Variants in IL1RAPL2 observed in about 807,000 individuals in gnomAD.
IL1RAPL2 encodes interleukin 1 receptor accessory protein like 2, also known as X-linked interleukin-1 receptor accessory protein-like 2.
IL1RAPL2 carries 3 observed loss-of-function variants against 44.1 expected under a neutral mutation model. The observed-to-expected ratio is 0.07, with a 90% CI of 0.03 to 0.18. The LOEUF (loss-of-function observed/expected upper bound fraction) is 0.18, where lower values mean the gene tolerates loss of function less well. Ranked by LOEUF, IL1RAPL2 falls within the 10% of genes least tolerant of loss-of-function variation. The probability of loss-of-function intolerance (pLI) is 1.00; values close to 1 mark genes in which losing one functional copy is unlikely to be tolerated. For missense variants in IL1RAPL2, 391 were observed against 496.4 expected (o/e 0.79, Z 2.02); for synonymous variants, 181 against 178.8 (o/e 1.01, Z -0.10).
chrX:105,274,058 G>A (rs752194123), intron 5 of IL1RAPL2, among the ~76,000 whole-genome samples: 103 of 112,073 alleles, frequency 9.2e-4, no homozygotes, highest in African/African-American at 3.3e-3. Context: ...CTCACCAAAT[G>A]TGTATTGCAT....
At chrX:105,428,735 T>C (rs1183756498) in intron 5 of IL1RAPL2, among the ~76,000 whole-genome samples, 1 of 111,850 alleles carries the variant, frequency 8.9e-6, no homozygotes, top group African/African-American at 3.2e-5. Flanking sequence ...GGATATAATG[T>C]CCCTCCTATA....
intron 2 of IL1RAPL2, among the ~76,000 whole-genome samples, chrX:104,841,754 A>G (rs1378806588): frequency 1.8e-5 from 2 of 111,456 alleles, no homozygotes; most frequent in Non-Finnish European, 3.8e-5. Context: ...CTGCTGAGAG[A>G]CCCACTGTTA....
At chrX:104,630,182 C>G (rs1291551559) in intron 1 of IL1RAPL2, among the ~76,000 whole-genome samples, 1 of 105,207 alleles carries the variant, frequency 9.5e-6, no homozygotes, top group Non-Finnish European at 1.9e-5. Context: ...TAGTCTCACT[C>G]TGTCACCAGG....
intron 2 of IL1RAPL2, among the ~76,000 whole-genome samples, chrX:105,168,414 G>GGTGT (rs57882187): frequency 0.014 from 1,278 of 89,314 alleles, 31 homozygotes; most frequent in African/African-American, 0.052. Flanking sequence ...AACCATAGGA[G>GGTGT]GTGTGTGTGT....
intron 2 of IL1RAPL2, among the ~76,000 whole-genome samples, chrX:104,733,619 AAAT>A (rs3081204): frequency 0.045 from 4,434 of 98,825 alleles, 269 homozygotes; most frequent in African/African-American, 0.15. Context: ...CTCTGTCTCA[AAAT>A]AATAATAATA....
chrX:105,016,643 C>T (rs779223419), intron 2 of IL1RAPL2, among the ~76,000 whole-genome samples: 107 of 111,909 alleles, frequency 9.6e-4, no homozygotes, highest in African/African-American at 3.4e-3. Context: ...TTGAACTAGC[C>T]TTACATCCCA....
intron 5 of IL1RAPL2, among the ~76,000 whole-genome samples, chrX:105,344,254 T>C (rs2035093554): frequency 1.8e-5 from 2 of 111,956 alleles, no homozygotes; most frequent in Non-Finnish European, 3.8e-5. Context: ...GAAATTATAA[T>C]AGGACAAAGA....
chrX:105,366,888 T>A (rs1602379413), intron 5 of IL1RAPL2, among the ~76,000 whole-genome samples: 2 of 111,926 alleles, frequency 1.8e-5, no homozygotes, highest in Middle Eastern at 9.2e-3. Flanking sequence ...CAATGTTTTC[T>A]TATTGATTAT....
rs2037231413 is a variant in IL1RAPL2 at position 105,598,921 on chromosome X, C to A, written c.772+114534C>A. 2.7e-5 allele frequency among the ~76,000 whole-genome samples: 3 copies of A among 112,463 alleles called. 1 individual carries two copies. The Admixed American group carries it at 2.8e-4, about 11-fold the overall frequency. Reference sequence around the variant, plus strand: ...GGATCTACTGCTCTTTGTTAAGAACCACTGAGAAGAGAACTAAGTGAGTGT... The same window carrying A: ...GGATCTACTGCTCTTTGTTAAGAACAACTGAGAAGAGAACTAAGTGAGTGT... On this transcript the variant is annotated intron_variant, in intron 6 of 10. Coordinates refer to ENST00000372582, the MANE Select transcript of IL1RAPL2 (RefSeq NM_017416.2).
chrX:105,583,713 T>C (rs1000765032), intron 6 of IL1RAPL2, among the ~76,000 whole-genome samples: 3 of 112,050 alleles, frequency 2.7e-5, no homozygotes, highest in Non-Finnish European at 5.6e-5. Flanking sequence ...AAATTTGTTT[T>C]ACTAATTTAT....
At chrX:104,847,985 C>A (rs1236090365) in intron 2 of IL1RAPL2, among the ~76,000 whole-genome samples, 1 of 110,387 alleles carries the variant, frequency 9.1e-6, no homozygotes, top group East Asian at 2.8e-4. Flanking sequence ...CATGATTTGG[C>A]TCTCTGTTTG....
chrX:105,601,997 G>T (rs1456122275), intron 6 of IL1RAPL2, among the ~76,000 whole-genome samples: 2 of 111,326 alleles, frequency 1.8e-5, no homozygotes, highest in East Asian at 5.7e-4. Flanking sequence ...GAAGCTGAGG[G>T]CTTGCCTGCC....
intron 5 of IL1RAPL2, among the ~76,000 whole-genome samples, chrX:105,377,248 A>G (rs535695000): frequency 9.0e-6 from 1 of 111,405 alleles, no homozygotes; most frequent in Admixed American, 9.6e-5. Flanking sequence ...GCATAGATTG[A>G]TCTAATCATT....
intron 3 of IL1RAPL2, among the ~76,000 whole-genome samples, chrX:105,221,411 C>CAA (rs782121555): frequency 3.2e-5 from 2 of 62,912 alleles, no homozygotes; most frequent in African/African-American, 5.9e-5. Flanking sequence ...AAACAACAAC[C>CAA]AAAAAAAAAA....
At chrX:105,394,377 C>T (rs2035547696) in intron 5 of IL1RAPL2, among the ~76,000 whole-genome samples, 1 of 111,658 alleles carries the variant, frequency 9.0e-6, no homozygotes, top group African/African-American at 3.3e-5. Context: ...TTCATTCAAT[C>T]ATTTACCATT....
At chrX:105,031,648 G>C (rs937809335) in intron 2 of IL1RAPL2, among the ~76,000 whole-genome samples, 3 of 111,810 alleles carry the variant, frequency 2.7e-5, no homozygotes, top group African/African-American at 9.8e-5. Context: ...CGGATTGCCA[G>C]TATTTTATTG....
intron 5 of IL1RAPL2, among the ~76,000 whole-genome samples, chrX:105,354,642 A>G (rs994050312): frequency 3.8e-5 from 4 of 104,660 alleles, no homozygotes; most frequent in African/African-American, 1.7e-4. Flanking sequence ...CCTAAAACTT[A>G]AAGTATAATA....
chrX:104,744,503 A>G (rs1352368586), intron 2 of IL1RAPL2, among the ~76,000 whole-genome samples: 1 of 111,399 alleles, frequency 9.0e-6, no homozygotes, highest in African/African-American at 3.3e-5. Flanking sequence ...GAATGTACTT[A>G]TTATTCAGGC....
intron 2 of IL1RAPL2, among the ~76,000 whole-genome samples, chrX:105,053,713 A>G: frequency 8.9e-6 from 1 of 112,483 alleles, no homozygotes; most frequent in Non-Finnish European, 1.9e-5. Flanking sequence ...GTTAATTGAT[A>G]TAAACAAATA....
Sources: allele counts gnomAD v4.1 joint callset (sites outside exome capture counted in the v4.1 genomes callset), GRCh38; gene constraint gnomAD v4.1.1; transcripts MANE v1.5; gene names NCBI Gene and HGNC (gene_info 2026-07-23, HGNC 2026-07-21).